The following WDPCP variants were observed in gnomAD, a reference collection of about 807,000 sequenced individuals.
The protein encoded by WDPCP is WD repeat-containing and planar cell polarity effector protein fritz homolog.
WDPCP carries 71 observed loss-of-function variants against 93.1 expected under a neutral mutation model. That is an observed-to-expected ratio of 0.76 (90% confidence interval 0.63 to 0.93). WDPCP has a LOEUF of 0.93. Ranked by LOEUF, WDPCP falls within the 40% of genes least tolerant of loss-of-function variation. The pLI is 0.00. For missense variants in WDPCP, 844 were observed against 887.4 expected, an observed-to-expected ratio of 0.95 and a Z score of 0.62; for synonymous variants, 315 against 315.0, an observed-to-expected ratio of 1.00 and a Z score of 0.00.
At position 63,329,420 on chromosome 2, in the gene WDPCP, T is replaced by C. The variant is rs574859662; in HGVS notation, c.1749-16109A>G. Among the ~76,000 whole-genome samples, 5 of 152,292 alleles carry C rather than the reference T, an allele frequency of 3.3e-5. No individual in the cohort carries two copies. The South Asian group carries it at 1.0e-3, about 32-fold the overall frequency. ...ACCGCACTTTTTTTTTGCAAGTACA[T>C]TGCTTTTATTGATTATACTGCAATA... On this transcript the variant is annotated intron_variant, in intron 12 of 17. Transcript: ENST00000272321.
chr2:63,578,779 G>A (rs930732730), intron 1 of WDPCP, among the ~76,000 whole-genome samples: 17 of 152,172 alleles, frequency 1.1e-4, no homozygotes, highest in Admixed American at 9.8e-4. Context: ...GTGGACTGCC[G>A]AAGCTAGGAC....
At chr2:63,522,876 A>G (rs950335280) in intron 1 of WDPCP, among the ~76,000 whole-genome samples, 1 of 152,316 alleles carries the variant, frequency 6.6e-6, no homozygotes. Flanking sequence ...AAATTCTACT[A>G]AATGTACAAA....
chr2:63,464,601 C>A (rs1260207661), intron 6 of WDPCP, among the ~76,000 whole-genome samples: 1 of 151,826 alleles, frequency 6.6e-6, no homozygotes, highest in East Asian at 1.9e-4. Flanking sequence ...CATAGATGCA[C>A]TATTCACAAA....
chr2:63,638,244 A>T (rs962220570), intron 3 of WDPCP, among the ~76,000 whole-genome samples: 1 of 152,162 alleles, frequency 6.6e-6, no homozygotes, highest in Non-Finnish European at 1.5e-5. Flanking sequence ...AATTATACTT[A>T]AAAATATTGT....
In WDPCP at chr2:63,370,581, T is replaced by C. The variant is rs952420966; in HGVS notation, c.1748+7805A>G. ...TAAAAAGGACTAAAAAAAAACAACA[T>C]AGAAAAGAATTGTGCGAATATAGCA... On this transcript the variant is annotated intron_variant, in intron 12 of 17. Coordinates refer to ENST00000272321, the MANE Select transcript of WDPCP (RefSeq NM_015910.7). 3.3e-5 allele frequency among the ~76,000 whole-genome samples: 5 copies of C among 152,192 alleles called. No homozygotes were observed. In the South Asian group the frequency reaches 1.0e-3, roughly 32 times the overall value.
In WDPCP at chr2:63,125,656, G is replaced by A. The variant is rs1669844670; in HGVS notation, c.2191-3600C>T. 2.0e-5 allele frequency among the ~76,000 whole-genome samples: 3 copies of A among 152,128 alleles called. No individual in the cohort carries two copies. In the South Asian group the frequency reaches 6.2e-4, roughly 32 times the overall value. On this transcript the variant is annotated intron_variant, in intron 17 of 17. Transcript: ENST00000272321. ...GGTGTCTTGCTCTGTTGCCCAGGCT[G>A]GAGTGCAGTGGCGTGATCTCGGCTC...
At chr2:63,313,434 A>T in intron 12 of WDPCP, 123 bp from the exon 13 acceptor site, 3 of 1,008,216 alleles carry the variant, frequency 3.0e-6, no homozygotes, top group African/African-American at 1.6e-5. Flanking sequence ...ATATTTTCAA[A>T]CAGAAGGGAT....
intron 1 of WDPCP, among the ~76,000 whole-genome samples, chr2:63,493,806 A>G (rs1183390219): frequency 6.6e-6 from 1 of 152,180 alleles, no homozygotes; most frequent in Non-Finnish European, 1.5e-5. Flanking sequence ...TATACTACAT[A>G]TTAGAAATAT....
intron 13 of WDPCP, among the ~76,000 whole-genome samples, chr2:63,273,670 G>A (rs1447894339): frequency 6.6e-6 from 1 of 152,018 alleles, no homozygotes; most frequent in East Asian, 1.9e-4. Flanking sequence ...ATGAATAGGA[G>A]TAACTATATT....
chr2:63,575,605 A>G (rs1708056972), intron 1 of WDPCP, among the ~76,000 whole-genome samples: 1 of 147,126 alleles, frequency 6.8e-6, no homozygotes, highest in Non-Finnish European at 1.5e-5. Flanking sequence ...TAGTATATAT[A>G]CGGTATACTA....
chr2:63,453,324 C>A (rs1698386583), intron 6 of WDPCP, among the ~76,000 whole-genome samples: 1 of 152,118 alleles, frequency 6.6e-6, no homozygotes. Flanking sequence ...ATTTATGCAG[C>A]CAACAGACAC....
At chr2:63,593,423 TC>T (rs759936549), upstream of WDPCP, 4 of 364,630 alleles carry the variant, frequency 1.1e-5, no homozygotes, top group African/African-American at 2.2e-5. Flanking sequence ...TTTTTTTTTT[TC>T]TTTGACTTCT....
chr2:63,344,489 G>C (rs1689055743), intron 12 of WDPCP, among the ~76,000 whole-genome samples: 1 of 152,124 alleles, frequency 6.6e-6, no homozygotes, highest in African/African-American at 2.4e-5. Context: ...TTATTTCTGA[G>C]CCTGTGTCCA....
chr2:63,262,351 A>G (rs1314088685), intron 13 of WDPCP, among the ~76,000 whole-genome samples: 5 of 152,172 alleles, frequency 3.3e-5, no homozygotes, highest in Non-Finnish European at 5.9e-5. Context: ...TAGGAAGACA[A>G]TACATTTATG....
At chr2:63,780,756 ATAT>A (rs1307454506) in intron 2 of WDPCP, among the ~76,000 whole-genome samples, 1 of 152,116 alleles carries the variant, frequency 6.6e-6, no homozygotes. Context: ...GTGATGGATA[ATAT>A]ATGCACAGCT....
At chr2:63,407,075 T>C (rs977695828) in intron 9 of WDPCP, among the ~76,000 whole-genome samples, 3 of 152,070 alleles carry the variant, frequency 2.0e-5, no homozygotes, top group Non-Finnish European at 4.4e-5. Context: ...ATAGATATCC[T>C]AAACACTATG....
chr2:63,835,653 A>G, the WDPCP span, among the ~76,000 whole-genome samples: 1 of 151,762 alleles, frequency 6.6e-6, no homozygotes, highest in East Asian at 1.9e-4. Context: ...TAAAAAAAAT[A>G]ATAAAATGGC....
intron 1 of WDPCP, among the ~76,000 whole-genome samples, chr2:63,499,421 AACAATG>A (rs1701412365): frequency 6.6e-6 from 1 of 152,210 alleles, no homozygotes; most frequent in Non-Finnish European, 1.5e-5. Flanking sequence ...GCTAATTAGG[AACAATG>A]AAGTTTCTGA....
At chr2:63,676,443 C>A (rs1251272732) in intron 2 of WDPCP, among the ~76,000 whole-genome samples, 3 of 152,096 alleles carry the variant, frequency 2.0e-5, no homozygotes, top group Non-Finnish European at 4.4e-5. Flanking sequence ...AGAAACAGAC[C>A]AGCCCTTATA....
Sources: gnomAD v4.1 joint callset for allele counts (sites outside exome capture counted in the v4.1 genomes callset) on GRCh38, gnomAD v4.1.1 for gene constraint, MANE v1.5 for transcripts, NCBI Gene and HGNC (gene_info 2026-07-23, HGNC 2026-07-21) for gene names.